The following DCDC1 variants were observed in gnomAD, a reference collection of about 807,000 sequenced individuals.
The protein encoded by DCDC1 is doublecortin domain-containing protein 1.
Under a neutral mutation model 178.3 loss-of-function variants are expected in DCDC1, and 200 were observed. That is an observed-to-expected ratio of 1.12 (90% confidence interval 1.00 to 1.26). The LOEUF is 1.26. DCDC1 is among the 50% of genes most tolerant of loss of function. The probability of loss-of-function intolerance (pLI) is 0.00; values close to 1 mark genes in which losing one functional copy is unlikely to be tolerated. For synonymous variants in DCDC1, 690 were observed against 604.8 expected, an observed-to-expected ratio of 1.14 and a Z score of -2.07; for missense variants, 1,983 against 1,749.2, an observed-to-expected ratio of 1.13 and a Z score of -2.38.
intron 1 of DCDC1, among the ~76,000 whole-genome samples, chr11:31,350,098 G>A (rs1951000431): frequency 6.6e-6 from 1 of 152,030 alleles, no homozygotes; most frequent in Non-Finnish European, 1.5e-5. Context: ...AGGCTGTTGT[G>A]TATCTCCAAA....
chr11:30,925,504 A>C, intron 22 of DCDC1, 96 bp from the exon 23 acceptor site: 1 of 1,057,744 alleles, frequency 9.5e-7, no homozygotes, highest in South Asian at 1.4e-5. Flanking sequence ...ATCCATAATG[A>C]CAACTCTCTC....
At chr11:31,179,889 C>T (rs1968553554) in intron 9 of DCDC1, among the ~76,000 whole-genome samples, 1 of 152,168 alleles carries the variant, frequency 6.6e-6, no homozygotes, top group Non-Finnish European at 1.5e-5. Flanking sequence ...AAATTCTCAA[C>T]AAGATATTAG....
At chr11:31,184,884 T>C (rs1269944363) in intron 9 of DCDC1, among the ~76,000 whole-genome samples, 1 of 152,182 alleles carries the variant, frequency 6.6e-6, no homozygotes, top group East Asian at 1.9e-4. Flanking sequence ...AGAAATACCA[T>C]TTGGCCCAGC....
At chr11:31,339,652 T>C (rs1565631892) in intron 1 of DCDC1, among the ~76,000 whole-genome samples, 1 of 152,226 alleles carries the variant, frequency 6.6e-6, no homozygotes, top group Admixed American at 6.5e-5. Context: ...TAGGACATAG[T>C]AGGTATGCAA....
chr11:31,257,557 T>C (rs2137039997), intron 8 of DCDC1, among the ~76,000 whole-genome samples: 1 of 152,234 alleles, frequency 6.6e-6, no homozygotes, highest in Middle Eastern at 3.4e-3. Context: ...TGCTTAATTA[T>C]TATGATCAGA....
intron 20 of DCDC1, among the ~76,000 whole-genome samples, chr11:30,981,211 G>A (rs981089195): frequency 3.3e-5 from 5 of 152,094 alleles, no homozygotes; most frequent in Admixed American, 6.6e-5. Flanking sequence ...GAAAGAGAGC[G>A]AGGGTTGAAA....
intron 20 of DCDC1, among the ~76,000 whole-genome samples, chr11:31,015,100 C>T (rs1323894079): frequency 6.6e-6 from 1 of 152,048 alleles, no homozygotes; most frequent in Non-Finnish European, 1.5e-5. Flanking sequence ...GCGCCTGCCA[C>T]CATGCCCGGC....
chr11:31,116,770 G>A (rs1178764343), intron 11 of DCDC1, among the ~76,000 whole-genome samples: 1 of 151,928 alleles, frequency 6.6e-6, no homozygotes. Flanking sequence ...AACAAGTAAG[G>A]AGCCACTAAA....
intron 12 of DCDC1, among the ~76,000 whole-genome samples, chr11:31,108,018 T>C (rs1255617697): frequency 1.3e-5 from 2 of 152,246 alleles, no homozygotes; most frequent in African/African-American, 4.8e-5. Flanking sequence ...AAGTGCTAAA[T>C]GCTGAGGCTT....
intron 20 of DCDC1, among the ~76,000 whole-genome samples, chr11:30,954,177 G>A (rs958975662): frequency 1.3e-5 from 2 of 151,418 alleles, no homozygotes; most frequent in African/African-American, 2.4e-5. Flanking sequence ...CACCACGCCC[G>A]GCTATTTTTT....
intron 20 of DCDC1, among the ~76,000 whole-genome samples, chr11:31,055,882 C>T (rs1461781839): frequency 6.6e-6 from 1 of 152,062 alleles, no homozygotes; most frequent in African/African-American, 2.4e-5. Context: ...GGACAAAATA[C>T]TACAAATATG....
At chr11:30,937,678 T>G (rs908678818) in intron 21 of DCDC1, among the ~76,000 whole-genome samples, 6 of 152,172 alleles carry the variant, frequency 3.9e-5, no homozygotes, top group Non-Finnish European at 8.8e-5. Flanking sequence ...AAAGACCTTC[T>G]GAGCTTCCCT....
At chr11:31,333,338 C>A (rs1950100887) in intron 2 of DCDC1, among the ~76,000 whole-genome samples, 1 of 152,094 alleles carries the variant, frequency 6.6e-6, no homozygotes, top group Admixed American at 6.5e-5. Context: ...ATCCAATTTC[C>A]CAGTCTGTGT....
chr11:31,335,912 C>T (rs1440993973), intron 1 of DCDC1, among the ~76,000 whole-genome samples: 1 of 152,114 alleles, frequency 6.6e-6, no homozygotes, highest in Non-Finnish European at 1.5e-5. Flanking sequence ...AAATATATTA[C>T]TTTTAAGGTA....
chr11:30,915,818 A>G (rs1222996647), intron 26 of DCDC1, 107 bp from the exon 27 acceptor site: 2 of 1,088,676 alleles, frequency 1.8e-6, no homozygotes, highest in African/African-American at 3.1e-5. Context: ...CTCCAACGTG[A>G]AACACGTTAA....
At chr11:31,234,110 T>A (rs1422627813) in intron 9 of DCDC1, among the ~76,000 whole-genome samples, 2 of 152,218 alleles carry the variant, frequency 1.3e-5, no homozygotes, top group Non-Finnish European at 2.9e-5. Flanking sequence ...GTCACACATA[T>A]TAAGTGTTGA....
chr11:31,341,426 G>GATACATAGATAC (rs5790857), intron 1 of DCDC1, among the ~76,000 whole-genome samples: 29 of 151,342 alleles, frequency 1.9e-4, no homozygotes, highest in Non-Finnish European at 3.4e-4. Context: ...TAGATAGATA[G>GATACATAGATAC]ATAGATAGAT....
At chr11:31,179,507 A>C (rs1968500525) in intron 9 of DCDC1, among the ~76,000 whole-genome samples, 1 of 152,206 alleles carries the variant, frequency 6.6e-6, no homozygotes, top group African/African-American at 2.4e-5. Context: ...AAAAGAAGGA[A>C]ATGCTGTCAT....
At chr11:31,215,859 T>C (rs996663065) in intron 9 of DCDC1, among the ~76,000 whole-genome samples, 3 of 151,556 alleles carry the variant, frequency 2.0e-5, no homozygotes, top group Admixed American at 6.6e-5. Flanking sequence ...AAAAAGAAGC[T>C]CTTGAGTGGC....
Sources: allele counts gnomAD v4.1 joint callset (sites outside exome capture counted in the v4.1 genomes callset), GRCh38; gene constraint gnomAD v4.1.1; transcripts MANE v1.5; gene names NCBI Gene and HGNC (gene_info 2026-07-23, HGNC 2026-07-21).